FAT2: variants seen among roughly 807,000 people sequenced by gnomAD.
The protein encoded by FAT2 is protocadherin Fat 2.
Under a neutral mutation model 295.3 loss-of-function variants are expected in FAT2, and 150 were observed. The ratio of observed to expected loss-of-function variants is 0.51; its 90% CI spans 0.44 to 0.58. The LOEUF (loss-of-function observed/expected upper bound fraction) is 0.58. Ranked by LOEUF, FAT2 falls within the 20% of genes least tolerant of loss-of-function variation. FAT2 has a pLI of 0.00. For synonymous variants in FAT2, 2,026 were observed against 2,150.3 expected (o/e 0.94, Z 1.60); for missense variants, 4,868 against 5,442.7 (o/e 0.89, Z 3.32).
At chr5:151,524,418 GGGCCCTTATGAGAA>G (rs1390245192) in intron 18 of FAT2, among the ~76,000 whole-genome samples, 2 of 140,752 alleles carry the variant, frequency 1.4e-5, no homozygotes, top group Non-Finnish European at 3.1e-5. Context: ...AATGGGATTA[GGGCCCTTATGAGAA>G]GGGCCATGTG....
intron 3 of FAT2, among the ~76,000 whole-genome samples, 196 bp downstream of exon 3, chr5:151,563,129 C>G (rs754898591): frequency 2.0e-5 from 3 of 152,216 alleles, no homozygotes; most frequent in African/African-American, 7.2e-5. Flanking sequence ...TGAAACACAT[C>G]AGAATCACCT....
chr5:151,556,495 T>TCAG, intron 3 of FAT2, 93 bp from the exon 4 acceptor site: 1 of 813,092 alleles, frequency 1.2e-6, no homozygotes, highest in Non-Finnish European at 2.0e-6. Flanking sequence ...AAATCTCAGA[T>TCAG]AAGAATTCTT....
At position 151,512,083 on chromosome 5, in the gene FAT2, G is replaced by T. The variant is rs1761366668; in HGVS notation, c.11905+82C>A. On this transcript the variant is annotated intron_variant, in intron 21 of 23. Coordinates refer to ENST00000261800, the MANE Select transcript of FAT2 (RefSeq NM_001447.3). This position sits in a 1 kb window ranked among gnomAD's most constrained non-coding sequence, Gnocchi z 4.1. ...GAAATTTGGAACCAGGAGGCTCTGA[G>T]ATCTCCACCCTGACATGCTTTTCCC... 6.6e-6 allele frequency: 9 copies of T among 1,362,214 alleles called. No homozygotes were observed. The highest frequency in any genetic ancestry group is 9.1e-6 in the Non-Finnish European group (9 of 993,362). The allele number at this position is 1,362,214 out of a possible 1,614,324, so 84.4% of individuals were successfully genotyped here. A position where few individuals can be genotyped will look rare whatever the true frequency, so the allele number is the denominator to read the frequency against.
At chr5:151,570,393 C>A (rs1300818845) in intron 1 of FAT2, among the ~76,000 whole-genome samples, 1 of 152,228 alleles carries the variant, frequency 6.6e-6, no homozygotes, top group Non-Finnish European at 1.5e-5. Flanking sequence ...GGAAATAGAG[C>A]CCCAGAGTCG....
At position 151,544,306 on chromosome 5, in the gene FAT2, T is replaced by C; in HGVS notation, c.6821A>G (p.Gln2274Arg). 6.2e-7 allele frequency: 1 copy of C among 1,614,092 alleles called. No homozygotes were observed. The highest frequency in any genetic ancestry group is 8.5e-7 in the Non-Finnish European group (1 of 1,179,994). Residue 2274 changes from glutamine to arginine, a missense_variant, in exon 10 of 24, where the codon CAA becomes CGA. Gln to Arg is a conservative substitution (Grantham distance 43, BLOSUM62 1). Transcript: ENST00000261800. ...DVNDNPPTFS[Q>R]LVYTTSISEG... ...TGAGATGGAAGTGGTATAGACCAAT[T>C]GGGAAAAAGTGGGAGGGTTATCATT...
chr5:151,565,011 G>A (rs1032156071), intron 2 of FAT2, among the ~76,000 whole-genome samples: 1 of 152,094 alleles, frequency 6.6e-6, no homozygotes, highest in Non-Finnish European at 1.5e-5. Context: ...GGGGACGGAG[G>A]TTGCAATGAG....
intron 21 of FAT2, 101 bp from the exon 22 acceptor site, chr5:151,510,275 A>G: frequency 7.4e-7 from 1 of 1,350,144 alleles, no homozygotes; most frequent in Non-Finnish European, 1.0e-6. Context: ...TTCAGTTACC[A>G]TTTATTTATT....
intron 3 of FAT2, among the ~76,000 whole-genome samples, chr5:151,557,253 A>C (rs1375769443): frequency 6.6e-6 from 1 of 152,140 alleles, no homozygotes; most frequent in African/African-American, 2.4e-5. Context: ...AACAAACCCC[A>C]GTTCTCCTGA....
At chr5:151,589,370 G>T (rs1294485161) in intron 1 of FAT2, among the ~76,000 whole-genome samples, 1 of 152,192 alleles carries the variant, frequency 6.6e-6, no homozygotes, top group Non-Finnish European at 1.5e-5. Context: ...ACAGGCCAAG[G>T]TGAGTTCAGT....
Position 151,512,501 on chromosome 5 carries a change from C to T in FAT2, c.11569G>A (p.Val3857Met), listed in dbSNP as rs1761399825. 3 of 1,614,052 alleles carry T rather than the reference C, an allele frequency of 1.9e-6. No homozygotes were observed. Among genetic ancestry groups the T allele is most frequent in the African/African-American group, 1.3e-5 (1 of 74,916 alleles). The change falls in exon 21 of 24, where the codon GTG (valine) becomes ATG (methionine). Residue 3857 changes from valine (V) to methionine (M), a missense_variant. Physicochemically the swap from Val to Met is conservative, Grantham distance 21. This residue lies in a region of FAT2 where 1,046 missense variants were observed against 1,210.1 expected (regional missense o/e 0.86). Transcript: ENST00000261800. This position sits in a 1 kb window ranked among gnomAD's most constrained non-coding sequence, Gnocchi z 4.1. The part of the protein sequence containing the change: ...VNDHEWHSIL[V>M]EEMDASIRLM... ...CGAATGGAAGCGTCCATCTCCTCCA[C>T]CAGGATGGAGTGCCACTCGTGGTCA... is the stretch of plus-strand genomic sequence containing the variant.
intron 1 of FAT2, among the ~76,000 whole-genome samples, chr5:151,572,364 T>G (rs1758567239): frequency 6.6e-6 from 1 of 152,180 alleles, no homozygotes; most frequent in Non-Finnish European, 1.5e-5. Context: ...CATTCCTTCC[T>G]TTTGGAAGCT....
chr5:151,522,746 G>A (rs527535641), intron 18 of FAT2, among the ~76,000 whole-genome samples: 26 of 152,320 alleles, frequency 1.7e-4, no homozygotes, highest in African/African-American at 6.0e-4. Context: ...GACAGACAGA[G>A]GGAGCAGCAA....
chr5:151,590,955 C>G (rs1048906046), intron 1 of FAT2, among the ~76,000 whole-genome samples: 8 of 152,236 alleles, frequency 5.3e-5, no homozygotes, highest in South Asian at 2.1e-4. Flanking sequence ...CAGCCGCGGA[C>G]TGGCTACCTC....
At chr5:151,541,976 T>C (rs1232728909) in intron 10 of FAT2, among the ~76,000 whole-genome samples, 2 of 152,198 alleles carry the variant, frequency 1.3e-5, no homozygotes, top group Non-Finnish European at 2.9e-5. Flanking sequence ...CCTCCATCTT[T>C]CAAAAGACAA....
chr5:151,574,031 C>T (rs1455298688), intron 1 of FAT2, among the ~76,000 whole-genome samples: 1 of 152,142 alleles, frequency 6.6e-6, no homozygotes, highest in East Asian at 1.9e-4. Flanking sequence ...GGGCATGGTT[C>T]TTTGGCCTGT....
At chr5:151,581,842 C>T (rs1365984209) in intron 1 of FAT2, among the ~76,000 whole-genome samples, 2 of 152,216 alleles carry the variant, frequency 1.3e-5, no homozygotes, top group Non-Finnish European at 2.9e-5. Context: ...TCCCCCATAT[C>T]AGGGATCACA....
chr5:151,545,714 A>G lies in FAT2; in HGVS notation c.5413T>C (p.Leu1805=), dbSNP rs1756559392. The change falls in exon 10 of 24, where the codon TTG becomes CTG. Residue 1805 remains leucine (L), a synonymous_variant. Transcript: ENST00000261800. The part of the protein sequence containing the change: ...EANSLLVYKI[L]EPEALKFFKI... Reference sequence around the variant, plus strand: ...AAAAACTTCAAGGCCTCCGGCTCCAAAATTTTATAGACCAACAAGGAATTA... The same window carrying G: ...AAAAACTTCAAGGCCTCCGGCTCCAGAATTTTATAGACCAACAAGGAATTA... 9 of 1,614,028 alleles carry G rather than the reference A, an allele frequency of 5.6e-6. No homozygotes were observed. In the South Asian group the frequency reaches 8.8e-5, roughly 16 times the overall value.
At chr5:151,546,707 A>T (rs74550873) in intron 9 of FAT2, among the ~76,000 whole-genome samples, 2,479 of 151,768 alleles carry the variant, frequency 0.016, 41 homozygotes, top group East Asian at 0.037. Flanking sequence ...AGAATTTTTA[A>T]CCATCTTTTG....
At chr5:151,578,969 T>C (rs1758844095) in intron 1 of FAT2, among the ~76,000 whole-genome samples, 1 of 152,208 alleles carries the variant, frequency 6.6e-6, no homozygotes, top group Non-Finnish European at 1.5e-5. Context: ...AGAATGATGG[T>C]TACCAGTGGC....
Sources: allele counts gnomAD v4.1 joint callset (sites outside exome capture counted in the v4.1 genomes callset), GRCh38; gene constraint gnomAD v4.1.1; regional missense constraint gnomAD v4.1.1; non-coding constraint Gnocchi (gnomAD v3.1); transcripts MANE v1.5; gene names NCBI Gene and HGNC (gene_info 2026-07-23, HGNC 2026-07-21).